AMOT: variants seen among roughly 807,000 people sequenced by gnomAD.
The protein encoded by AMOT is angiomotin.
Under a neutral mutation model 67.0 loss-of-function variants are expected in AMOT, and 11 were observed. That is an observed-to-expected ratio of 0.16 (90% CI 0.10 to 0.27). The LOEUF (loss-of-function observed/expected upper bound fraction) is 0.27, where lower values mean the gene tolerates loss of function less well. Ranked by LOEUF, AMOT falls within the 10% of genes least tolerant of loss-of-function variation. AMOT has a pLI of 1.00. For synonymous variants in AMOT, 326 were observed against 321.4 expected (o/e 1.01, Z -0.15); for missense variants, 753 against 852.0 (o/e 0.88, Z 1.45).
At chrX:112,828,691 C>T (rs911931142) in intron 2 of AMOT, among the ~76,000 whole-genome samples, 5 of 111,189 alleles carry the variant, frequency 4.5e-5, no homozygotes, top group Non-Finnish European at 9.4e-5. Flanking sequence ...ATGAAGATGC[C>T]AGGGCCTCAA....
intron 10 of AMOT, 56 bp from the exon 11 acceptor site, chrX:112,782,718 A>G: frequency 2.6e-6 from 3 of 1,156,172 alleles, no homozygotes; most frequent in Non-Finnish European, 3.5e-6. Flanking sequence ...AATGAATGTT[A>G]TCTTTCTTCT....
At chrX:112,793,216 T>C (rs1933677561) in intron 8 of AMOT, among the ~76,000 whole-genome samples, 1 of 111,201 alleles carries the variant, frequency 9.0e-6, no homozygotes, top group South Asian at 3.9e-4. Context: ...CAACTTGATG[T>C]TAGAGACACC....
In AMOT at chrX:112,778,167, T is replaced by C. The variant is rs905321205; in HGVS notation, c.*400A>G. The C allele has an allele frequency of 2.6e-5, 3 of 116,685 alleles. No individual in the cohort carries two copies. The highest frequency in any genetic ancestry group is 9.7e-5 in the African/African-American group (3 of 31,017). The allele number at this position is 116,685 out of a possible 1,213,427, so 9.6% of individuals were successfully genotyped here. On this transcript the variant is annotated 3_prime_UTR_variant, in exon 14 of 14. Coordinates refer to ENST00000371959, the MANE Select transcript of AMOT (RefSeq NM_001113490.2). Reference sequence around the variant, plus strand: ...CAGCACACACTCAATTCTCTCTAGCTTCCCACTTCCAAACTACGTGTTATA... The same window carrying C: ...CAGCACACACTCAATTCTCTCTAGCCTCCCACTTCCAAACTACGTGTTATA...
At chrX:112,804,269 C>T (rs115765280) in intron 8 of AMOT, among the ~76,000 whole-genome samples, 2,312 of 111,555 alleles carry the variant, frequency 0.021, 59 homozygotes, top group African/African-American at 0.072. Flanking sequence ...CTGAGAACCA[C>T]AGCACAGCTT....
intron 1 of AMOT, among the ~76,000 whole-genome samples, chrX:112,838,639 T>C (rs1297622841): frequency 7.1e-5 from 8 of 112,610 alleles, no homozygotes; most frequent in African/African-American, 2.6e-4. Context: ...AATTTTAATT[T>C]CCAAATCCAA....
chrX:112,795,244 C>CTGTG (rs1341404542), intron 8 of AMOT, among the ~76,000 whole-genome samples: 56 of 93,534 alleles, frequency 6.0e-4, no homozygotes, highest in African/African-American at 2.5e-3. Context: ...CTCTGTCTCT[C>CTGTG]TCTCTGTGTG....
At chrX:112,805,370 TAC>T (rs55909349) in intron 7 of AMOT, among the ~76,000 whole-genome samples, 6,820 of 89,400 alleles carry the variant, frequency 0.076, 285 homozygotes, top group South Asian at 0.11. Flanking sequence ...ATACAAAGAA[TAC>T]ACACACACAC....
At position 112,823,117 on chromosome X, in the gene AMOT, A is replaced by C. The variant is rs1328327646; in HGVS notation, c.10T>G (p.Ser4Ala). The change falls in exon 4 of 14, where the codon TCT (serine) becomes GCT (alanine). Residue 4 changes from serine (S) to alanine (A), a missense_variant. Ser to Ala is a moderately conservative substitution (Grantham distance 99). Coordinates refer to ENST00000371959, the MANE Select transcript of AMOT (RefSeq NM_001113490.2). Reference sequence around the variant, plus strand: ...GTCCCTCCACTTGGCTGTTCTTCAGAATTTCTCATCTCTATTGCTGGTGGT... The same window carrying C: ...GTCCCTCCACTTGGCTGTTCTTCAGCATTTCTCATCTCTATTGCTGGTGGT... MRNSEEQPSGGTTV... is the reference protein window; with the variant it reads MRNAEEQPSGGTTV... The C allele has an allele frequency of 3.5e-6, 4 of 1,156,505 alleles. No individual in the cohort carries two copies. The East Asian group carries it at 1.3e-4, about 38-fold the overall frequency.
chrX:112,778,789 A>G, intron 13 of AMOT, 125 bp from the exon 14 acceptor site: 1 of 714,373 alleles, frequency 1.4e-6, no homozygotes, highest in Non-Finnish European at 2.1e-6. Flanking sequence ...CACCTCCCTC[A>G]TTTACTTCTG....
chrX:112,818,972 C>T (rs766638159), intron 4 of AMOT, among the ~76,000 whole-genome samples: 3 of 110,837 alleles, frequency 2.7e-5, no homozygotes, highest in South Asian at 7.9e-4. Context: ...ACCTGGGCCA[C>T]TGGGGCTCTG....
chrX:112,779,109 A>G lies in AMOT; in HGVS notation c.3045T>C (p.Ala1015=). Residue 1015 remains alanine (A), a synonymous_variant, in exon 13 of 14, where the codon GCT becomes GCC. Coordinates refer to ENST00000371959, the MANE Select transcript of AMOT (RefSeq NM_001113490.2). ...TSAPAVAPTP[A]PTPTPAVAQA... ...GAGCCACAGCTGGAGTTGGAGTTGG[A>G]GCTGGAGTTGGAGCCACAGCCGGAG... The G allele has an allele frequency of 8.6e-7, 1 of 1,164,008 alleles. No individual in the cohort carries two copies. Among genetic ancestry groups the G allele is most frequent in the Non-Finnish European group, 1.2e-6 (1 of 851,826 alleles).
chrX:112,778,593 C>T lies in AMOT; in HGVS notation c.3229G>A (p.Ala1077Thr). 5.8e-6 allele frequency: 7 copies of T among 1,208,641 alleles called. No homozygotes were observed. The highest frequency in any genetic ancestry group is 6.7e-6 in the Non-Finnish European group (6 of 893,296). Residue 1077 changes from alanine (A) to threonine (T), a missense_variant, in exon 14 of 14, where the codon GCA (alanine) becomes ACA (threonine). This residue lies in a region of AMOT where 269 missense variants were observed against 300.9 expected (regional missense o/e 0.89). Transcript: ENST00000371959. ...TAGATGAGATATTCCACCATCTCTGCATCAGGCTCTTGTCCCAGGATCTGA... is the reference window on the plus strand; with the variant it reads ...TAGATGAGATATTCCACCATCTCTGTATCAGGCTCTTGTCCCAGGATCTGA... ...PIQILGQEPD[A>T]EMVEYLI
chrX:112,829,481 C>A (rs1934931596), intron 2 of AMOT, among the ~76,000 whole-genome samples: 2 of 111,920 alleles, frequency 1.8e-5, no homozygotes, highest in Non-Finnish European at 3.8e-5. Context: ...ATAAAGCCTG[C>A]AGAACTGTGA....
chrX:112,819,621 A>G (rs1934662703), intron 4 of AMOT, among the ~76,000 whole-genome samples: 1 of 112,616 alleles, frequency 8.9e-6, no homozygotes, highest in African/African-American at 3.2e-5. Flanking sequence ...AGAAAGACAA[A>G]GATTCTGAAA....
rs1240337310 is a variant in AMOT, at chrX:112,782,599, G to C, written c.2181C>G (p.Ile727Met). 8.3e-7 allele frequency: 1 copy of C among 1,211,435 alleles called. No individual in the cohort carries two copies. The highest frequency in any genetic ancestry group is 1.1e-6 in the Non-Finnish European group (1 of 895,157). ...TCAAGATTTCTTCCTCCTCTTTCTGGATGCGAGCTTCTAGAGCTGTGTCAT... is the reference window on the plus strand; with the variant it reads ...TCAAGATTTCTTCCTCCTCTTTCTGCATGCGAGCTTCTAGAGCTGTGTCAT... ...TSYDTALEAR[I>M]QKEEEEILMA... Residue 727 changes from isoleucine to methionine, a missense_variant, in exon 11 of 14, where the codon ATC becomes ATG. Around this residue, in one of 5 missense-constraint regions of AMOT, gnomAD observed 269 missense variants for 300.9 expected, o/e 0.89. Coordinates refer to ENST00000371959, the MANE Select transcript of AMOT (RefSeq NM_001113490.2).
At chrX:112,799,304 A>C in intron 8 of AMOT, among the ~76,000 whole-genome samples, 1 of 112,312 alleles carries the variant, frequency 8.9e-6, no homozygotes, top group Non-Finnish European at 1.9e-5. Context: ...TACAAACAAG[A>C]AAATACAGAT....
intron 8 of AMOT, among the ~76,000 whole-genome samples, chrX:112,801,132 C>T (rs1373447446): frequency 9.0e-6 from 1 of 111,644 alleles, no homozygotes; most frequent in South Asian, 3.8e-4. Context: ...CATCATAAGA[C>T]AGCAGCCAGC....
rs56988853 is a variant in AMOT at position 112,791,257 on chromosome X, T to C, written c.1927-475A>G. On this transcript the variant is annotated intron_variant, in intron 9 of 13. Coordinates refer to ENST00000371959, the MANE Select transcript of AMOT (RefSeq NM_001113490.2). The stretch of plus-strand genomic sequence containing the variant: ...AAAAAAAATTAGCTGGGCGTGGTGG[T>C]GCACACCTGTAATCCCAACTACTCG... Among the ~76,000 whole-genome samples, 817 of 108,650 alleles carry C rather than the reference T, an allele frequency of 7.5e-3. 11 individuals are homozygous for C. The highest frequency in any genetic ancestry group is 0.026 in the African/African-American group (765 of 29,889). 94.3% of individuals were successfully genotyped at this position (108,650 alleles called of 115,157 possible).
intron 8 of AMOT, among the ~76,000 whole-genome samples, chrX:112,799,903 T>C (rs1010034176): frequency 8.9e-6 from 1 of 111,910 alleles, no homozygotes; most frequent in Non-Finnish European, 1.9e-5. Flanking sequence ...ACATAATTTC[T>C]TTCTTGTAAC....
Sources: allele counts gnomAD v4.1 joint callset (sites outside exome capture counted in the v4.1 genomes callset), GRCh38; gene constraint gnomAD v4.1.1; regional missense constraint gnomAD v4.1.1; transcripts MANE v1.5; gene names NCBI Gene and HGNC (gene_info 2026-07-23, HGNC 2026-07-21).